The following MBD5 variants were observed in gnomAD, a reference collection of about 807,000 sequenced individuals.
MBD5 encodes methyl-CpG-binding domain protein 5.
A neutral mutation model predicts 117.3 loss-of-function variants in MBD5; 13 were observed. The observed-to-expected ratio is 0.11, with a 90% CI of 0.07 to 0.18. The LOEUF (loss-of-function observed/expected upper bound fraction) is 0.18. Ranked by LOEUF, MBD5 falls within the 10% of genes least tolerant of loss-of-function variation. MBD5 has a pLI of 1.00. For missense variants in MBD5, 1,879 were observed against 2,093.8 expected, an observed-to-expected ratio of 0.90 and a Z score of 2.00; for synonymous variants, 727 against 766.4, an observed-to-expected ratio of 0.95 and a Z score of 0.85.
Position 148,469,500 on chromosome 2 carries a change from G to A in MBD5, c.1557G>A (p.Lys519=). Residue 519 remains lysine (K), a synonymous_variant, in exon 8 of 14, where the codon AAG becomes AAA. Coordinates refer to ENST00000642680, the MANE Select transcript of MBD5 (RefSeq NM_001378120.1). ...STKSDGHHQY[K]DIPNPLIAGI... ...AGTCCGATGGACATCATCAGTACAA[G>A]GATATCCCTAACCCATTAATTGCTG... 4 of 1,613,818 alleles carry A rather than the reference G, an allele frequency of 2.5e-6. No individual in the cohort carries two copies. In the Admixed American group the frequency reaches 6.7e-5, roughly 27 times the overall value.
chr2:148,197,554 T>C (rs192870543), intron 2 of MBD5, among the ~76,000 whole-genome samples: 2 of 152,186 alleles, frequency 1.3e-5, no homozygotes, highest in African/African-American at 4.8e-5. Context: ...GCATACACTT[T>C]GCAAAGAGCA....
At chr2:148,392,069 G>GT (rs1182867990) in intron 4 of MBD5, among the ~76,000 whole-genome samples, 1 of 151,416 alleles carries the variant, frequency 6.6e-6, no homozygotes, top group Non-Finnish European at 1.5e-5. Flanking sequence ...TAGCTCATTG[G>GT]TTTTTTTTCT....
chr2:148,314,257 G>A (rs527907104), intron 3 of MBD5, among the ~76,000 whole-genome samples: 1 of 151,196 alleles, frequency 6.6e-6, no homozygotes, highest in African/African-American at 2.4e-5. Flanking sequence ...AGTTTTTCAT[G>A]TGGCAAAAGG....
At chr2:148,290,930 G>A (rs1701486030) in intron 3 of MBD5, among the ~76,000 whole-genome samples, 1 of 152,168 alleles carries the variant, frequency 6.6e-6, no homozygotes, top group African/African-American at 2.4e-5. Flanking sequence ...TTGAGAGACT[G>A]TCAGGCTCTT....
chr2:148,062,505 A>G (rs967267289), intron 1 of MBD5: 1 of 150,770 alleles, frequency 6.6e-6, no homozygotes, highest in African/African-American at 2.5e-5. Flanking sequence ...TTTATATTCT[A>G]CAAGCTCAGT....
chr2:148,244,502 G>A (rs182461358), intron 3 of MBD5: 64 of 152,206 alleles, frequency 4.2e-4, no homozygotes, highest in African/African-American at 1.3e-3. Flanking sequence ...AAGGAAATAT[G>A]TCATGAGCTA....
At chr2:148,483,052 C>T (rs557858880) in intron 8 of MBD5, 58 bp from the exon 9 acceptor site, 1 of 1,570,688 alleles carries the variant, frequency 6.4e-7, no homozygotes, top group African/African-American at 1.4e-5. Flanking sequence ...TATGCCTAGT[C>T]TCACATAACA....
Position 148,060,132 on chromosome 2 carries a change from CAAAAAAAAAAAAAAAA to C in MBD5, c.-925+38463_-925+38478del, listed in dbSNP as rs35925701. ...TGAAACCCTGTCTCTACAAAAAGTG[CAAAAAAAAAAAAAAAA>C]AAAAAAAAAAAAAAGCCAGGCATGG... On this transcript the variant is annotated intron_variant, in intron 1 of 13. Transcript: ENST00000642680. Among the ~76,000 whole-genome samples, 8 of 14,048 alleles carry C rather than the reference CAAAAAAAAAAAAAAAA, an allele frequency of 5.7e-4. No individual in the cohort carries two copies. In the Admixed American group the frequency reaches 7.7e-3, roughly 13 times the overall value. 9.2% of individuals were successfully genotyped at this position (14,048 alleles called of 152,430 possible).
chr2:148,376,308 C>T (rs1703985548), intron 4 of MBD5, among the ~76,000 whole-genome samples: 1 of 148,342 alleles, frequency 6.7e-6, no homozygotes, highest in Non-Finnish European at 1.5e-5. Flanking sequence ...CACTCTGTCG[C>T]CCAGGCTGGA....
intron 3 of MBD5, among the ~76,000 whole-genome samples, chr2:148,297,202 A>G (rs1005317449): frequency 2.0e-5 from 3 of 152,052 alleles, no homozygotes; most frequent in Non-Finnish European, 2.9e-5. Context: ...CATATCTTAT[A>G]ATATTTTATT....
At chr2:148,366,329 A>G (rs992492799) in intron 4 of MBD5, among the ~76,000 whole-genome samples, 4 of 152,234 alleles carry the variant, frequency 2.6e-5, no homozygotes, top group Admixed American at 2.6e-4. Context: ...ACGTATCTCA[A>G]AATAATGAAA....
At chr2:148,291,810 C>A (rs544847976) in intron 3 of MBD5, among the ~76,000 whole-genome samples, 1 of 152,228 alleles carries the variant, frequency 6.6e-6, no homozygotes, top group Non-Finnish European at 1.5e-5. Flanking sequence ...TACCTGACTT[C>A]AAATATACTA....
chr2:148,181,437 A>T (rs1698533304), intron 2 of MBD5, among the ~76,000 whole-genome samples: 1 of 152,238 alleles, frequency 6.6e-6, no homozygotes, highest in African/African-American at 2.4e-5. Flanking sequence ...AATCCCTATC[A>T]GATGCGTCCC....
At position 148,510,153 on chromosome 2, in the gene MBD5, T is replaced by G. The variant is rs759040284; in HGVS notation, c.5112+18T>G. 4 of 1,553,344 alleles carry G rather than the reference T, an allele frequency of 2.6e-6. No individual in the cohort carries two copies. The highest frequency in any genetic ancestry group is 3.6e-6 in the Non-Finnish European group (4 of 1,124,990). On this transcript the variant is annotated intron_variant, in intron 13 of 13. Coordinates refer to ENST00000642680, the MANE Select transcript of MBD5 (RefSeq NM_001378120.1). ...CTGGGACTGTAAGTTAATTTATTTT[T>G]CCATTATACTACGTTTCTTTGAAAA...
chr2:148,241,389 T>C (rs1700213238), intron 3 of MBD5, among the ~76,000 whole-genome samples: 1 of 152,196 alleles, frequency 6.6e-6, no homozygotes, highest in African/African-American at 2.4e-5. Flanking sequence ...GAGGTGTTAC[T>C]AATCTGCTTT....
chr2:148,043,858 A>G (rs1191348569), intron 1 of MBD5, among the ~76,000 whole-genome samples: 1 of 152,188 alleles, frequency 6.6e-6, no homozygotes, highest in Non-Finnish European at 1.5e-5. Context: ...TTTGTAAAAC[A>G]TATTTATTTG....
chr2:148,266,629 GA>G (rs1158193728), intron 3 of MBD5, among the ~76,000 whole-genome samples: 1 of 151,938 alleles, frequency 6.6e-6, no homozygotes, highest in East Asian at 1.9e-4. Flanking sequence ...AGAGTTAATA[GA>G]AAATGTCTGC....
chr2:148,316,376 G>A (rs1240057233), intron 3 of MBD5, among the ~76,000 whole-genome samples: 1 of 152,140 alleles, frequency 6.6e-6, no homozygotes, highest in African/African-American at 2.4e-5. Context: ...GGAAGAGTTT[G>A]TCATGCTGAG....
chr2:148,426,091 C>G (rs1705773400), intron 4 of MBD5, among the ~76,000 whole-genome samples: 1 of 152,068 alleles, frequency 6.6e-6, no homozygotes, highest in South Asian at 2.1e-4. Context: ...ATCCAACTTA[C>G]AAGGGATGTG....
Sources: gnomAD v4.1 joint callset for allele counts (sites outside exome capture counted in the v4.1 genomes callset) on GRCh38, gnomAD v4.1.1 for gene constraint, MANE v1.5 for transcripts, NCBI Gene and HGNC (gene_info 2026-07-23, HGNC 2026-07-21) for gene names.